Variants in POC1A observed in about 807,000 individuals in gnomAD.
The protein encoded by POC1A is POC1 centriolar protein A, also known as POC1 centriolar protein homolog A.
In POC1A, 34 loss-of-function variants were observed where a neutral mutation model predicts 47.8. The ratio of observed to expected loss-of-function variants is 0.71; its 90% confidence interval spans 0.54 to 0.95. POC1A has a LOEUF of 0.95. POC1A is among the 40% of genes least tolerant of loss of function. The pLI, the probability that POC1A is intolerant of heterozygous loss-of-function variation, is 0.00. For missense variants in POC1A, 466 were observed against 528.3 expected (o/e 0.88, Z 1.16); for synonymous variants, 177 against 207.6 (o/e 0.85, Z 1.27).
At chr3:52,116,961 G>A (rs1703586414) in intron 9 of POC1A, among the ~76,000 whole-genome samples, 3 of 152,128 alleles carry the variant, frequency 2.0e-5, no homozygotes, top group African/African-American at 4.8e-5. Flanking sequence ...GCCAACGCAG[G>A]TGGATCACCT....
At chr3:52,115,517 GCT>G (rs1703531156) in intron 9 of POC1A, among the ~76,000 whole-genome samples, 1 of 152,174 alleles carries the variant, frequency 6.6e-6, no homozygotes, top group Non-Finnish European at 1.5e-5. Flanking sequence ...AAGCAAATCT[GCT>G]GCAAGGTCTG....
chr3:52,153,961 CTGTACCTACCTGCTGGAGCAGGG>C (rs1429554690), intron 1 of POC1A, among the ~76,000 whole-genome samples: 2 of 152,258 alleles, frequency 1.3e-5, no homozygotes, highest in Non-Finnish European at 2.9e-5. Flanking sequence ...CAGCGTCCTG[CTGTACCTACCTGCTGGAGCAGGG>C]TGTACCCTCA....
chr3:52,145,725 G>T, intron 6 of POC1A, 121 bp downstream of exon 6: 1 of 630,618 alleles, frequency 1.6e-6, no homozygotes, highest in Non-Finnish European at 2.8e-6. Flanking sequence ...ACAAACCCAG[G>T]ACACCTTCCT....
chr3:52,100,584 G>A (rs758960593), intron 9 of POC1A, among the ~76,000 whole-genome samples: 1 of 152,176 alleles, frequency 6.6e-6, no homozygotes, highest in African/African-American at 2.4e-5. Context: ...AAAGCATGAG[G>A]AGAAGAGACG....
chr3:52,113,221 A>G (rs1261845169), intron 9 of POC1A, among the ~76,000 whole-genome samples: 2 of 152,222 alleles, frequency 1.3e-5, no homozygotes, highest in Non-Finnish European at 2.9e-5. Flanking sequence ...ATTATTTAAC[A>G]TGTACCTAGT....
chr3:52,113,538 A>G (rs929180825), intron 9 of POC1A, among the ~76,000 whole-genome samples: 3 of 152,176 alleles, frequency 2.0e-5, no homozygotes, highest in African/African-American at 7.2e-5. Context: ...CACTGTCTCT[A>G]CTAAAAATAC....
chr3:52,154,010 G>A (rs562606688), intron 1 of POC1A, among the ~76,000 whole-genome samples: 1 of 152,266 alleles, frequency 6.6e-6, no homozygotes, highest in African/African-American at 2.4e-5. Context: ...ACCCCACGCA[G>A]CCACCCACTG....
In POC1A at chr3:52,098,029, G is replaced by A. The variant is rs72955240; in HGVS notation, c.982-1317C>T. On this transcript the variant is annotated intron_variant, in intron 9 of 10. Coordinates refer to ENST00000296484, the MANE Select transcript of POC1A (RefSeq NM_015426.5). ...CAGTTCTGTCAGGAGACACAGCAGA[G>A]TGCAGTGGTGAGGAATGGTGACTCA... is the stretch of plus-strand genomic sequence containing the variant. Among the ~76,000 whole-genome samples the A allele has an allele frequency of 2.9e-3, 446 of 152,358 alleles. 2 individuals carry two copies. The highest frequency in any genetic ancestry group is 0.01 in the African/African-American group (434 of 41,578).
rs376478410 is a variant in POC1A, at chr3:52,114,142, C to G, written c.981+8237G>C. Among the ~76,000 whole-genome samples, 27 of 152,378 alleles carry G rather than the reference C, an allele frequency of 1.8e-4. 1 individual carries two copies. In the South Asian group the frequency reaches 5.2e-3, roughly 29 times the overall value. On this transcript the variant is annotated intron_variant, in intron 9 of 10. Coordinates refer to ENST00000296484, the MANE Select transcript of POC1A (RefSeq NM_015426.5). ...CGCAGCTCTTACTGCCAACTAAGTT[C>G]TGGAAGTGGTTCCCAGAGCCAGAAG...
chr3:52,080,692 C>T (rs138900511), intron 10 of POC1A, among the ~76,000 whole-genome samples: 39 of 152,356 alleles, frequency 2.6e-4, no homozygotes, highest in African/African-American at 9.1e-4. Flanking sequence ...AGAAGCTGCC[C>T]CAATCACTTC....
Position 52,145,848 on chromosome 3 carries a change from T to G in POC1A, c.677A>C (p.Gln226Pro), listed in dbSNP as rs1309559624. 1 of 1,608,660 alleles carries G rather than the reference T, an allele frequency of 6.2e-7. No homozygotes were observed. Among genetic ancestry groups the G allele is most frequent in the East Asian group, 2.2e-5 (1 of 44,872 alleles). ...CCAGGAGGCTGTTCACCACTCACACTGATAATGCTGCAGCAGCCGGTGAGT... is the reference window on the plus strand; with the variant it reads ...CCAGGAGGCTGTTCACCACTCACACGGATAATGCTGCAGCAGCCGGTGAGT... ...VRTHRLLQHYQLHSAAVNGLS... is the reference protein window; with the variant it reads ...VRTHRLLQHYPLHSAAVNGLS... The change falls in exon 6 of 11, where the codon CAG becomes CCG. Residue 226 changes from glutamine (Q) to proline (P), a missense_variant and splice_region_variant. Gln to Pro is a moderately conservative substitution (Grantham distance 76). Transcript: ENST00000296484.
At chr3:52,098,663 T>C (rs571757201) in intron 9 of POC1A, among the ~76,000 whole-genome samples, 1 of 152,298 alleles carries the variant, frequency 6.6e-6, no homozygotes, top group East Asian at 1.9e-4. Flanking sequence ...AGAAAACGAC[T>C]GTCTAAAGGT....
Position 52,083,856 on chromosome 3 carries a change from G to A in POC1A, c.1126-7871C>T, listed in dbSNP as rs141952837. On this transcript the variant is annotated intron_variant, in intron 10 of 10. Transcript: ENST00000296484. ...CAACACAGGATGAGCCAATGCAAAT[G>A]CTTTCCAAGTACTAGGTGCAGCAGG... 5.3e-5 allele frequency among the ~76,000 whole-genome samples: 8 copies of A among 152,354 alleles called. No homozygotes were observed. The East Asian group carries it at 9.6e-4, about 18-fold the overall frequency.
Position 52,088,954 on chromosome 3 carries a change from C to T in POC1A, c.1125+7615G>A, listed in dbSNP as rs1463021978. Reference sequence around the variant, plus strand: ...ACCGACCATGAACATTCCCAGGCCCCAGAGATAACCACGGCTACTGTCGAG... The same window carrying T: ...ACCGACCATGAACATTCCCAGGCCCTAGAGATAACCACGGCTACTGTCGAG... On this transcript the variant is annotated intron_variant, in intron 10 of 10. Transcript: ENST00000296484. 4.7e-5 allele frequency among the ~76,000 whole-genome samples: 7 copies of T among 149,496 alleles called. No individual in the cohort carries two copies. In the South Asian group the frequency reaches 1.1e-3, roughly 24 times the overall value.
intron 9 of POC1A, among the ~76,000 whole-genome samples, chr3:52,104,616 C>A (rs1174110553): frequency 6.6e-6 from 1 of 152,280 alleles, no homozygotes; most frequent in Non-Finnish European, 1.5e-5. Context: ...CAGCTCTCCA[C>A]TGGGCATTAC....
chr3:52,147,137 C>G (rs542661663), intron 4 of POC1A, 42 bp from the exon 5 acceptor site: 1 of 1,456,314 alleles, frequency 6.9e-7, no homozygotes, highest in Non-Finnish European at 9.6e-7. Flanking sequence ...GACTAACAGA[C>G]GACATGGGCA....
At chr3:52,109,752 T>C (rs970053484) in intron 9 of POC1A, among the ~76,000 whole-genome samples, 19 of 152,170 alleles carry the variant, frequency 1.2e-4, no homozygotes, top group Admixed American at 1.1e-3. Flanking sequence ...AAGAAACTAA[T>C]TGTAAGATAA....
chr3:52,095,051 AC>A (rs1378142661), intron 10 of POC1A, among the ~76,000 whole-genome samples: 1 of 152,166 alleles, frequency 6.6e-6, no homozygotes, highest in African/African-American at 2.4e-5. Flanking sequence ...GCTATTTTTA[AC>A]CACCTTCTCA....
Position 52,096,573 on chromosome 3 carries a change from G to A in POC1A, c.1121C>T (p.Thr374Ile). 6.3e-7 allele frequency: 1 copy of A among 1,577,946 alleles called. No homozygotes were observed. Among genetic ancestry groups the A allele is most frequent in the Non-Finnish European group, 8.6e-7 (1 of 1,164,100 alleles). The change falls in exon 10 of 11, where the codon ACT (threonine) becomes ATT (isoleucine). Residue 374 changes from threonine to isoleucine, a missense_variant. Transcript: ENST00000296484. The stretch of plus-strand genomic sequence containing the variant: ...TGAACCCACAGTGTGGCCTACCTGA[G>A]TGAGGACATCCAGCTGGCCCACAAT... The part of the protein sequence containing the change: ...EHIVGQLDVL[T>I]QTVSILEQRL...
Sources: gnomAD v4.1 joint callset for allele counts (sites outside exome capture counted in the v4.1 genomes callset) on GRCh38, gnomAD v4.1.1 for gene constraint, MANE v1.5 for transcripts, NCBI Gene and HGNC (gene_info 2026-07-23, HGNC 2026-07-21) for gene names.